CTNNA3: variants seen among roughly 807,000 people sequenced by gnomAD.
The protein encoded by CTNNA3 is catenin alpha 3.
Under a neutral mutation model 95.7 loss-of-function variants are expected in CTNNA3, and 76 were observed. The observed-to-expected ratio is 0.79, with a 90% CI of 0.66 to 0.96. The LOEUF (loss-of-function observed/expected upper bound fraction) is 0.96. CTNNA3 is among the 40% of genes least tolerant of loss of function. The pLI is 0.00. For missense variants in CTNNA3, 1,191 were observed against 1,089.8 expected, an observed-to-expected ratio of 1.09 and a Z score of -1.31; for synonymous variants, 431 against 374.4, an observed-to-expected ratio of 1.15 and a Z score of -1.74.
intron 7 of CTNNA3, among the ~76,000 whole-genome samples, chr10:66,805,794 T>C (rs1268871015): frequency 6.6e-6 from 1 of 152,036 alleles, no homozygotes; most frequent in East Asian, 1.9e-4. Flanking sequence ...AGTTATAATA[T>C]TTATTTTTCC....
Position 67,709,673 on chromosome 10 carries a change from GTGATATC to G in CTNNA3, c.-2+53754_-2+53760del, listed in dbSNP as rs1244416339. Among the ~76,000 whole-genome samples, 3 of 151,538 alleles carry G rather than the reference GTGATATC, an allele frequency of 2.0e-5. No homozygotes were observed. In the South Asian group the frequency reaches 6.3e-4, roughly 32 times the overall value. ...TTCCTCATCCACCACCATTCCCCAGGTGATATCTGATCACCTTGGCCTGTCTTCAGCA... is the reference window on the plus strand; with the variant it reads ...TTCCTCATCCACCACCATTCCCCAGGTGATCACCTTGGCCTGTCTTCAGCA... On this transcript the variant is annotated intron_variant, in intron 1 of 17. Coordinates refer to the CTNNA3 transcript ENST00000684154.
intron 2 of CTNNA3, among the ~76,000 whole-genome samples, chr10:67,627,049 T>C (rs181890640): frequency 6.6e-6 from 1 of 152,322 alleles, no homozygotes; most frequent in African/African-American, 2.4e-5. Context: ...ATAAAACTGT[T>C]GTTTCTATGA....
intron 7 of CTNNA3, among the ~76,000 whole-genome samples, chr10:66,944,115 G>A (rs1848160605): frequency 6.6e-6 from 1 of 152,146 alleles, no homozygotes; most frequent in South Asian, 2.1e-4. Context: ...ATATGGTGTT[G>A]ATTGATAGCA....
At chr10:66,767,153 G>C (rs371225149) in intron 8 of CTNNA3, among the ~76,000 whole-genome samples, 1 of 152,052 alleles carries the variant, frequency 6.6e-6, no homozygotes, top group Non-Finnish European at 1.5e-5. Context: ...AGTCTTTAAA[G>C]ATCATAATAT....
At chr10:66,987,565 A>G (rs1850802693) in intron 7 of CTNNA3, among the ~76,000 whole-genome samples, 1 of 152,166 alleles carries the variant, frequency 6.6e-6, no homozygotes, top group African/African-American at 2.4e-5. Context: ...TATTTACCTC[A>G]TTGCCATGAA....
At chr10:65,924,687 T>C (rs1411429314) in intron 17 of CTNNA3, among the ~76,000 whole-genome samples, 1 of 152,200 alleles carries the variant, frequency 6.6e-6, no homozygotes, top group Non-Finnish European at 1.5e-5. Context: ...CTGTCTACCA[T>C]TTTTAGAGAA....
At chr10:67,750,569 A>T (rs772686770) in intron 1 of CTNNA3, 40 of 1,577,526 alleles carry the variant, frequency 2.5e-5, no homozygotes, top group Non-Finnish European at 3.2e-5. Flanking sequence ...CTTTGAGAAG[A>T]CCCTCAAGGA....
intron 1 of CTNNA3, among the ~76,000 whole-genome samples, chr10:67,726,257 T>C (rs1841214510): frequency 1.3e-5 from 1 of 77,268 alleles, no homozygotes; most frequent in South Asian, 5.2e-4. Flanking sequence ...TATATAATAT[T>C]GTATTACATA....
intron 14 of CTNNA3, among the ~76,000 whole-genome samples, chr10:66,089,477 A>C (rs2081129125): frequency 7.2e-6 from 1 of 139,846 alleles, no homozygotes; most frequent in African/African-American, 2.7e-5. Context: ...CTTTTTTTCT[A>C]TTCCCTCCCT....
intron 12 of CTNNA3, among the ~76,000 whole-genome samples, chr10:66,348,231 C>T (rs939727644): frequency 1.3e-5 from 2 of 152,054 alleles, no homozygotes; most frequent in East Asian, 1.9e-4. Flanking sequence ...ATGATGTTAG[C>T]ATTAATTAGT....
intron 5 of CTNNA3, among the ~76,000 whole-genome samples, chr10:67,518,205 A>T: frequency 6.6e-6 from 1 of 152,170 alleles, no homozygotes; most frequent in Non-Finnish European, 1.5e-5. Flanking sequence ...ATTCTCAATG[A>T]GTATATCATC....
intron 6 of CTNNA3, among the ~76,000 whole-genome samples, chr10:67,205,501 T>C (rs1485801689): frequency 6.6e-6 from 1 of 152,182 alleles, no homozygotes; most frequent in East Asian, 1.9e-4. Flanking sequence ...GAAAAGTCAT[T>C]AAACATTCTA....
chr10:67,009,580 G>A (rs1397875036), intron 7 of CTNNA3, among the ~76,000 whole-genome samples: 1 of 151,742 alleles, frequency 6.6e-6, no homozygotes, highest in East Asian at 1.9e-4. Flanking sequence ...TTCCCTGAGC[G>A]AATGGGTAAT....
chr10:67,528,976 C>A (rs549775102), intron 4 of CTNNA3, among the ~76,000 whole-genome samples: 278 of 152,152 alleles, frequency 1.8e-3, no homozygotes, highest in African/African-American at 6.1e-3. Flanking sequence ...GCAGTTAATA[C>A]CAATAAATTA....
At chr10:66,730,611 T>G (rs1160857900) in intron 9 of CTNNA3, among the ~76,000 whole-genome samples, 1 of 152,146 alleles carries the variant, frequency 6.6e-6, no homozygotes. Context: ...GAACTTAAAA[T>G]TTAAAAAAAG....
chr10:66,593,566 T>C (rs896255389), intron 10 of CTNNA3, among the ~76,000 whole-genome samples: 1 of 152,148 alleles, frequency 6.6e-6, no homozygotes, highest in African/African-American at 2.4e-5. Flanking sequence ...ACACTTTGAA[T>C]ATCACTACTT....
intron 15 of CTNNA3, among the ~76,000 whole-genome samples, chr10:65,995,044 G>A (rs2078625928): frequency 6.6e-6 from 1 of 150,852 alleles, no homozygotes; most frequent in Non-Finnish European, 1.5e-5. Context: ...TTCTCATTAT[G>A]TTCTTAATTG....
At chr10:67,274,054 T>C (rs1350734381) in intron 5 of CTNNA3, among the ~76,000 whole-genome samples, 3 of 152,312 alleles carry the variant, frequency 2.0e-5, no homozygotes, top group African/African-American at 7.2e-5. Flanking sequence ...ATAAATTTAC[T>C]ATAAAACAAA....
At chr10:65,953,980 G>A (rs2133216978) in intron 17 of CTNNA3, among the ~76,000 whole-genome samples, 1 of 152,300 alleles carries the variant, frequency 6.6e-6, no homozygotes, top group Admixed American at 6.5e-5. Flanking sequence ...CACAATGGTT[G>A]AACTAGTTTA....
Sources: gnomAD v4.1 joint callset for allele counts (sites outside exome capture counted in the v4.1 genomes callset) on GRCh38, gnomAD v4.1.1 for gene constraint, MANE v1.5 for transcripts, NCBI Gene and HGNC (gene_info 2026-07-23, HGNC 2026-07-21) for gene names.